Variants in DPP10 observed in about 807,000 individuals in gnomAD.
DPP10 encodes the protein dipeptidyl peptidase like 10.
A neutral mutation model predicts 120.9 loss-of-function variants in DPP10; 33 were observed. That is an observed-to-expected ratio of 0.27 (90% CI 0.21 to 0.37). The LOEUF (loss-of-function observed/expected upper bound fraction) is 0.37. Ranked by LOEUF, DPP10 falls within the 10% of genes least tolerant of loss-of-function variation. The pLI is 1.00. For synonymous variants in DPP10, 337 were observed against 326.1 expected, an observed-to-expected ratio of 1.03 and a Z score of -0.36; for missense variants, 816 against 942.8, an observed-to-expected ratio of 0.87 and a Z score of 1.76.
intron 3 of DPP10, among the ~76,000 whole-genome samples, chr2:115,429,883 C>T: frequency 6.6e-6 from 1 of 152,164 alleles, no homozygotes; most frequent in East Asian, 1.9e-4. Flanking sequence ...AGAATGTTCA[C>T]TTCTTGTTTT....
chr2:114,988,819 GTAA>G (rs1700585636), intron 1 of DPP10, among the ~76,000 whole-genome samples: 1 of 152,088 alleles, frequency 6.6e-6, no homozygotes, highest in South Asian at 2.1e-4. Flanking sequence ...TATAGAATTT[GTAA>G]TAATTGCTAA....
intron 5 of DPP10, among the ~76,000 whole-genome samples, chr2:115,641,272 T>C (rs534330204): frequency 6.6e-6 from 1 of 152,284 alleles, no homozygotes; most frequent in Non-Finnish European, 1.5e-5. Flanking sequence ...GTCATTTCCT[T>C]GCCATAAGAG....
chr2:114,790,395 T>C (rs1683134919), intron 1 of DPP10, among the ~76,000 whole-genome samples: 1 of 152,208 alleles, frequency 6.6e-6, no homozygotes, highest in Admixed American at 6.5e-5. Context: ...AGAGTACAGA[T>C]AAGATGAGGC....
At chr2:115,649,121 T>C (rs921275173) in intron 5 of DPP10, among the ~76,000 whole-genome samples, 1 of 152,076 alleles carries the variant, frequency 6.6e-6, no homozygotes, top group African/African-American at 2.4e-5. Flanking sequence ...AGGAAATAGA[T>C]AGTGCAATAG....
At chr2:114,905,614 A>G (rs1315656647) in intron 1 of DPP10, among the ~76,000 whole-genome samples, 2 of 152,110 alleles carry the variant, frequency 1.3e-5, no homozygotes, top group African/African-American at 2.4e-5. Context: ...AATTTTTCTG[A>G]TCCTCTCCCT....
intron 5 of DPP10, among the ~76,000 whole-genome samples, chr2:115,640,410 T>A (rs1234218863): frequency 6.7e-6 from 1 of 149,990 alleles, no homozygotes; most frequent in East Asian, 2.0e-4. Context: ...TCTTTATGTG[T>A]CTTCATCATA....
intron 1 of DPP10, among the ~76,000 whole-genome samples, chr2:114,550,891 G>C (rs1195606924): frequency 6.6e-6 from 1 of 152,154 alleles, no homozygotes; most frequent in Non-Finnish European, 1.5e-5. Context: ...TCTTGTCTCT[G>C]ACTGTTCAGA....
At chr2:115,478,198 C>T (rs1474884589) in intron 3 of DPP10, among the ~76,000 whole-genome samples, 1 of 152,110 alleles carries the variant, frequency 6.6e-6, no homozygotes, top group Non-Finnish European at 1.5e-5. Context: ...CATCTATTGG[C>T]ATAACAACAG....
At chr2:115,637,969 A>G (rs2086485359) in intron 5 of DPP10, among the ~76,000 whole-genome samples, 2 of 152,232 alleles carry the variant, frequency 1.3e-5, no homozygotes, top group Non-Finnish European at 2.9e-5. Flanking sequence ...AACCTGTAGA[A>G]GAAGAGCCAG....
intron 1 of DPP10, among the ~76,000 whole-genome samples, chr2:115,236,920 C>T (rs929487040): frequency 3.3e-5 from 5 of 152,106 alleles, no homozygotes; most frequent in Admixed American, 6.5e-5. Context: ...ATTACATTTA[C>T]GGCCTAGGTT....
intron 1 of DPP10, among the ~76,000 whole-genome samples, chr2:115,097,918 G>C (rs890295154): frequency 6.6e-6 from 1 of 152,158 alleles, no homozygotes; most frequent in South Asian, 2.1e-4. Context: ...ACAGAAATGG[G>C]TATGTAGGAA....
chr2:115,779,430 A>T (rs930145695), intron 15 of DPP10, among the ~76,000 whole-genome samples: 1 of 152,064 alleles, frequency 6.6e-6, no homozygotes, highest in Non-Finnish European at 1.5e-5. Flanking sequence ...TTGACTTAAT[A>T]TATGGCACTA....
chr2:115,603,570 G>GTTTTTTTTTTTTTTTTT (rs61548055), intron 5 of DPP10, among the ~76,000 whole-genome samples: 4 of 99,278 alleles, frequency 4.0e-5, no homozygotes, highest in African/African-American at 6.3e-5. Flanking sequence ...GTTTTTTTTT[G>GTTTTTTTTTTTTTTTTT]TTTTTTTTTT....
Position 115,816,774 on chromosome 2 carries a change from C to T in DPP10, c.1950+1045C>T, listed in dbSNP as rs142865125. On this transcript the variant is annotated intron_variant, in intron 21 of 25. Transcript: ENST00000410059. ...TGGGGACTACAAGCACGTGTCACCA[C>T]GCCCAGCTAATTTTTGTATTTTTAG... Among the ~76,000 whole-genome samples the T allele has an allele frequency of 2.0e-3, 298 of 150,390 alleles. 7 individuals carry two copies. The East Asian group carries it at 0.052, about 26-fold the overall frequency.
At chr2:115,392,660 T>C (rs1353703438) in intron 3 of DPP10, among the ~76,000 whole-genome samples, 2 of 152,102 alleles carry the variant, frequency 1.3e-5, no homozygotes, top group Admixed American at 6.5e-5. Context: ...CAAGATATTA[T>C]AGTTTATAGA....
intron 1 of DPP10, among the ~76,000 whole-genome samples, chr2:114,830,445 A>C (rs933891903): frequency 7.9e-5 from 12 of 152,134 alleles, no homozygotes; most frequent in Non-Finnish European, 1.6e-4. Flanking sequence ...ACATTTCAAG[A>C]TCCATAAAAT....
chr2:115,316,329 A>G (rs191865389), intron 2 of DPP10, among the ~76,000 whole-genome samples: 2,782 of 152,284 alleles, frequency 0.018, 29 homozygotes, highest in African/African-American at 0.039. Flanking sequence ...CTTGTAATAT[A>G]AGTTAAGACA....
chr2:114,749,588 A>ATTTTATTTTATTTTATTTTG (rs1263962143), intron 1 of DPP10, among the ~76,000 whole-genome samples: 3 of 148,478 alleles, frequency 2.0e-5, no homozygotes. Flanking sequence ...ATTTTATTTT[A>ATTTTATTTTATTTTATTTTG]TTTTATTTTA....
intron 3 of DPP10, among the ~76,000 whole-genome samples, chr2:115,492,427 A>C (rs988372612): frequency 6.6e-6 from 1 of 152,120 alleles, no homozygotes; most frequent in African/African-American, 2.4e-5. Flanking sequence ...TGTGATTAAG[A>C]GTTTAGGATA....
Sources: allele counts gnomAD v4.1 joint callset (sites outside exome capture counted in the v4.1 genomes callset), GRCh38; gene constraint gnomAD v4.1.1; transcripts MANE v1.5; gene names NCBI Gene and HGNC (gene_info 2026-07-23, HGNC 2026-07-21).